The following BMPR1A variants were observed in gnomAD, a reference collection of about 807,000 sequenced individuals.
The protein encoded by BMPR1A is bone morphogenetic protein receptor type-1A.
In BMPR1A, 7 loss-of-function variants were observed where a neutral mutation model predicts 66.0. The ratio of observed to expected loss-of-function variants is 0.11; its 90% CI spans 0.06 to 0.20. The LOEUF (loss-of-function observed/expected upper bound fraction) is 0.20, where lower values mean the gene tolerates loss of function less well. Among genes scored for constraint, BMPR1A ranks in the 10% least tolerant of loss-of-function variants. The pLI is 1.00. For missense variants in BMPR1A, 408 were observed against 669.1 expected, an observed-to-expected ratio of 0.61 and a Z score of 4.31; for synonymous variants, 200 against 229.7, an observed-to-expected ratio of 0.87 and a Z score of 1.17.
rs1032369061 is a variant in BMPR1A at position 86,917,298 on chromosome 10, T to C, written c.840T>C (p.Thr280=). The part of the protein sequence containing the change: ...SWFRETEIYQ[T]VLMRHENILG... Reference sequence around the variant, plus strand: ...TTCGAGAAACAGAAATCTACCAAACTGTGCTAATGCGCCATGAAAACATAC... The same window carrying C: ...TTCGAGAAACAGAAATCTACCAAACCGTGCTAATGCGCCATGAAAACATAC... The change falls in exon 9 of 13, where the codon ACT becomes ACC. Residue 280 remains threonine (T), a synonymous_variant. Transcript: ENST00000372037. 6.2e-7 allele frequency: 1 copy of C among 1,614,040 alleles called. No individual in the cohort carries two copies. The highest frequency in any genetic ancestry group is 1.3e-5 in the African/African-American group (1 of 74,916).
At chr10:86,907,130 C>T (rs1301376668) in intron 7 of BMPR1A, among the ~76,000 whole-genome samples, 1 of 152,220 alleles carries the variant, frequency 6.6e-6, no homozygotes, top group Non-Finnish European at 1.5e-5. Context: ...GTGAAAGGCC[C>T]TCCTGACAGC....
Position 86,763,790 on chromosome 10 carries a change from G to GTTT in BMPR1A, c.-268+6888_-268+6890dup, listed in dbSNP as rs5786745. 1.7e-3 allele frequency among the ~76,000 whole-genome samples: 200 copies of GTTT among 117,402 alleles called. 6 individuals are homozygous for GTTT. The highest frequency in any genetic ancestry group is 4.3e-3 in the Middle Eastern group (1 of 232). The allele number at this position is 117,402 out of a possible 152,430, so 77.0% of individuals were successfully genotyped here. A position where few individuals can be genotyped will look rare whatever the true frequency, so the allele number is the denominator to read the frequency against. ...AAATCTGTAGGAGACTTGGATAGTT[G>GTTT]TTTTTTTTTTTTTTTTTTTGAGACG... On this transcript the variant is annotated intron_variant, in intron 1 of 12. Transcript: ENST00000372037.
intron 1 of BMPR1A, among the ~76,000 whole-genome samples, chr10:86,803,004 C>CCAAA (rs1841833508): frequency 1.3e-5 from 1 of 75,950 alleles, no homozygotes; most frequent in Non-Finnish European, 2.6e-5. Context: ...GACCCGGTCT[C>CCAAA]AAAAAAAAAA....
chr10:86,898,544 CAGCATCCTTCATAGAGA>C (rs1843262101), intron 5 of BMPR1A, among the ~76,000 whole-genome samples: 2 of 152,312 alleles, frequency 1.3e-5, no homozygotes, highest in Non-Finnish European at 2.9e-5. Flanking sequence ...TCATCCCTGT[CAGCATCCTTCATAGAGA>C]AGAAAAAACA....
At chr10:86,794,068 C>T (rs1360206190) in intron 1 of BMPR1A, among the ~76,000 whole-genome samples, 1 of 152,134 alleles carries the variant, frequency 6.6e-6, no homozygotes, top group Non-Finnish European at 1.5e-5. Context: ...CCAGGATAAT[C>T]GCCCCATCTC....
intron 3 of BMPR1A, chr10:86,889,802 C>T (rs906799087): frequency 4.3e-6 from 2 of 463,764 alleles, no homozygotes; most frequent in Admixed American, 3.7e-5. Context: ...TTCTGCCTTG[C>T]GCCACTCTTG....
chr10:86,854,207 T>C (rs1164842124), intron 2 of BMPR1A, among the ~76,000 whole-genome samples: 1 of 152,142 alleles, frequency 6.6e-6, no homozygotes, highest in South Asian at 2.1e-4. Context: ...TCACCGGCGG[T>C]CAGAGTTTAA....
intron 1 of BMPR1A, among the ~76,000 whole-genome samples, chr10:86,771,709 C>T (rs142332970): frequency 2.3e-4 from 35 of 152,290 alleles, no homozygotes; most frequent in African/African-American, 6.3e-4. Flanking sequence ...ATATTTAAAA[C>T]GTGGTAGAGA....
chr10:86,829,218 A>G (rs1024171649), intron 1 of BMPR1A, among the ~76,000 whole-genome samples: 2 of 152,158 alleles, frequency 1.3e-5, no homozygotes, highest in African/African-American at 2.4e-5. Flanking sequence ...ATAAACTTGT[A>G]TGTACACACA....
chr10:86,868,358 C>G (rs1475687153), intron 2 of BMPR1A, among the ~76,000 whole-genome samples: 1 of 152,128 alleles, frequency 6.6e-6, no homozygotes, highest in Non-Finnish European at 1.5e-5. Context: ...TGGTGTTGCT[C>G]CAGTTGTACA....
chr10:86,801,241 A>G (rs1034400622), intron 1 of BMPR1A, among the ~76,000 whole-genome samples: 1 of 152,130 alleles, frequency 6.6e-6, no homozygotes, highest in Admixed American at 6.5e-5. Context: ...CCCCACGCTC[A>G]GGTGATCCTC....
chr10:86,841,336 AGAT>A (rs1328078378), intron 2 of BMPR1A, among the ~76,000 whole-genome samples: 2 of 152,232 alleles, frequency 1.3e-5, no homozygotes, highest in Non-Finnish European at 2.9e-5. Context: ...CTGTGTACAT[AGAT>A]GATAACTATA....
chr10:86,901,541 T>C (rs1004965253), intron 7 of BMPR1A, among the ~76,000 whole-genome samples: 5 of 152,336 alleles, frequency 3.3e-5, no homozygotes, highest in East Asian at 3.9e-4. Flanking sequence ...AATCAGACTT[T>C]TTGGGTGTGC....
intron 2 of BMPR1A, among the ~76,000 whole-genome samples, chr10:86,841,221 C>G (rs1842420663): frequency 6.6e-6 from 1 of 151,996 alleles, no homozygotes; most frequent in Non-Finnish European, 1.5e-5. Context: ...TAGCTATACT[C>G]AAAAAATAGT....
At chr10:86,838,012 C>T (rs560042535) in intron 1 of BMPR1A, among the ~76,000 whole-genome samples, 1 of 152,150 alleles carries the variant, frequency 6.6e-6, no homozygotes, top group Non-Finnish European at 1.5e-5. Flanking sequence ...TGCAATGGGG[C>T]ATAGGCAACG....
At chr10:86,810,546 G>C (rs886906629) in intron 1 of BMPR1A, among the ~76,000 whole-genome samples, 1 of 152,168 alleles carries the variant, frequency 6.6e-6, no homozygotes, top group Non-Finnish European at 1.5e-5. Flanking sequence ...GGTTATAAAA[G>C]TTCCAGCTTC....
At chr10:86,828,650 G>GAT (rs1427193043) in intron 1 of BMPR1A, among the ~76,000 whole-genome samples, 1 of 152,072 alleles carries the variant, frequency 6.6e-6, no homozygotes, top group Non-Finnish European at 1.5e-5. Flanking sequence ...ATCACTCTCT[G>GAT]ATAATTCCTG....
At chr10:86,822,047 C>T (rs746118780) in intron 1 of BMPR1A, among the ~76,000 whole-genome samples, 3 of 152,094 alleles carry the variant, frequency 2.0e-5, no homozygotes, top group South Asian at 2.1e-4. Flanking sequence ...AGGCTGGTCT[C>T]GAACTCGTGG....
At chr10:86,895,852 A>AC (rs1228377558) in intron 5 of BMPR1A, among the ~76,000 whole-genome samples, 1 of 152,098 alleles carries the variant, frequency 6.6e-6, no homozygotes, top group East Asian at 1.9e-4. Context: ...ACACGGCAGA[A>AC]CCCCATCTCT....
Sources: gnomAD v4.1 joint callset for allele counts (sites outside exome capture counted in the v4.1 genomes callset) on GRCh38, gnomAD v4.1.1 for gene constraint, MANE v1.5 for transcripts, NCBI Gene and HGNC (gene_info 2026-07-23, HGNC 2026-07-21) for gene names.